Variants in KLHL3 observed in about 807,000 individuals in gnomAD.
KLHL3 encodes kelch like family member 3.
Under a neutral mutation model 70.5 loss-of-function variants are expected in KLHL3, and 19 were observed. That is an observed-to-expected ratio of 0.27 (90% CI 0.19 to 0.40). The LOEUF is 0.40. KLHL3 is among the 10% of genes least tolerant of loss of function. KLHL3 has a pLI of 1.00. For missense variants in KLHL3, 512 were observed against 771.1 expected, an observed-to-expected ratio of 0.66 and a Z score of 3.98; for synonymous variants, 258 against 290.3, an observed-to-expected ratio of 0.89 and a Z score of 1.13.
chr5:137,670,944 G>A (rs796862031), intron 6 of KLHL3, among the ~76,000 whole-genome samples: 5 of 126,252 alleles, frequency 4.0e-5, no homozygotes, highest in African/African-American at 1.6e-4. Flanking sequence ...CTGCACTCCA[G>A]CCTGGGCAAA....
intron 11 of KLHL3, among the ~76,000 whole-genome samples, 163 bp from the exon 12 acceptor site, chr5:137,634,328 C>G (rs1750715650): frequency 6.6e-6 from 1 of 152,236 alleles, no homozygotes; most frequent in Admixed American, 6.5e-5. Flanking sequence ...AGCAAAGCAT[C>G]CTTCACATTT....
intron 5 of KLHL3, among the ~76,000 whole-genome samples, chr5:137,689,581 C>T (rs1274447978): frequency 7.9e-5 from 12 of 152,186 alleles, no homozygotes; most frequent in African/African-American, 2.2e-4. Context: ...AAACAGAACA[C>T]CAAATATCAC....
chr5:137,647,437 C>CATT, intron 8 of KLHL3: 1 of 361,008 alleles, frequency 2.8e-6, no homozygotes, highest in Non-Finnish European at 5.8e-6. Context: ...GCCCTGGCCT[C>CATT]AGGACTACAT....
chr5:137,645,064 A>G (rs550931517), intron 8 of KLHL3, among the ~76,000 whole-genome samples: 5 of 152,354 alleles, frequency 3.3e-5, no homozygotes, highest in African/African-American at 1.2e-4. Context: ...GACAAAAACC[A>G]CATAATCATT....
rs1750276271 is a variant in KLHL3 at position 137,620,844 on chromosome 5, G to C, written c.*1254C>G. 2.0e-5 allele frequency: 3 copies of C among 152,204 alleles called. No homozygotes were observed. The highest frequency in any genetic ancestry group is 6.5e-5 in the Admixed American group (1 of 15,286). 9.4% of individuals were successfully genotyped at this position (152,204 alleles called of 1,614,324 possible). A position where few individuals can be genotyped will look rare whatever the true frequency, so the allele number is the denominator to read the frequency against. On this transcript the variant is annotated 3_prime_UTR_variant, in exon 15 of 15. Coordinates refer to ENST00000309755, the MANE Select transcript of KLHL3 (RefSeq NM_017415.3). ...GCAGTAGTGGGGTTCTTGGGGGTTG[G>C]GGAGAGGGTGCACACCCTGGAATAG...
intron 11 of KLHL3, 43 bp from the exon 12 acceptor site, chr5:137,634,208 G>C (rs1342775972): frequency 6.4e-7 from 1 of 1,558,720 alleles, no homozygotes; most frequent in Non-Finnish European, 8.7e-7. Flanking sequence ...AGGGATACTG[G>C]CATGAAACCA....
intron 3 of KLHL3, among the ~76,000 whole-genome samples, chr5:137,704,168 G>A (rs1228358627): frequency 4.6e-5 from 7 of 152,212 alleles, no homozygotes; most frequent in Admixed American, 4.6e-4. Context: ...GGTGGATCAT[G>A]AGGTCAGGAG....
intron 13 of KLHL3, among the ~76,000 whole-genome samples, chr5:137,627,281 T>G (rs913516087): frequency 2.6e-5 from 4 of 152,172 alleles, no homozygotes; most frequent in African/African-American, 9.7e-5. Context: ...ATAGTGTAAT[T>G]CCATTTTTGT....
At chr5:137,706,923 A>T (rs1752696591) in intron 3 of KLHL3, among the ~76,000 whole-genome samples, 1 of 152,190 alleles carries the variant, frequency 6.6e-6, no homozygotes, top group South Asian at 2.1e-4. Flanking sequence ...TTGAGGAAGT[A>T]ATAAGATGAG....
intron 6 of KLHL3, among the ~76,000 whole-genome samples, chr5:137,671,452 G>A (rs973010098): frequency 3.9e-5 from 6 of 152,122 alleles, no homozygotes; most frequent in Non-Finnish European, 5.9e-5. Context: ...ATGAGCCCCT[G>A]AATAGAAATG....
In KLHL3 at chr5:137,731,297, A is replaced by G. The variant is rs190436100; in HGVS notation, c.14+4336T>C. Among the ~76,000 whole-genome samples the G allele has an allele frequency of 7.5e-4, 115 of 152,354 alleles. 1 individual carries two copies. The East Asian group carries it at 0.018, about 24-fold the overall frequency. On this transcript the variant is annotated intron_variant, in intron 1 of 14. Transcript: ENST00000309755. ...CAATTATCATGGTTGAAATGCGTGC[A>G]CATCTGCTTCAGGCAGCAGTGATGC...
At chr5:137,673,352 GC>G (rs1238129297) in intron 6 of KLHL3, among the ~76,000 whole-genome samples, 1 of 152,110 alleles carries the variant, frequency 6.6e-6, no homozygotes, top group African/African-American at 2.4e-5. Flanking sequence ...CTTGTTCGCT[GC>G]CTCCGGGCCT....
chr5:137,634,697 T>A (rs1429533731), intron 11 of KLHL3, among the ~76,000 whole-genome samples: 1 of 152,108 alleles, frequency 6.6e-6, no homozygotes, highest in Admixed American at 6.6e-5. Context: ...GTGAATGGAG[T>A]GTTCTTTGTA....
chr5:137,660,234 G>T (rs536627484), intron 7 of KLHL3, among the ~76,000 whole-genome samples: 32 of 152,290 alleles, frequency 2.1e-4, no homozygotes, highest in African/African-American at 7.7e-4. Flanking sequence ...TAATAACCCA[G>T]GAGCCATTTC....
rs774856270 is a variant in KLHL3 at position 137,628,315 on chromosome 5, T to C, written c.1573A>G (p.Met525Val). ...NTWKQVADMN[M>V]CRRNAGVCAV... Reference sequence around the variant, plus strand: ...TCATTACCTGCGTTGCGCCGGCACATGTTCATGTCTGCCACTTGCTTCCAG... The same window carrying C: ...TCATTACCTGCGTTGCGCCGGCACACGTTCATGTCTGCCACTTGCTTCCAG... The change falls in exon 13 of 15, where the codon ATG becomes GTG. Residue 525 changes from methionine (M) to valine (V), a missense_variant. Transcript: ENST00000309755. 1.9e-6 allele frequency: 3 copies of C among 1,614,086 alleles called. No individual in the cohort carries two copies. The highest frequency in any genetic ancestry group is 2.5e-6 in the Non-Finnish European group (3 of 1,180,034).
At chr5:137,635,749 A>G (rs1350147024) in intron 11 of KLHL3, among the ~76,000 whole-genome samples, 4 of 152,200 alleles carry the variant, frequency 2.6e-5, no homozygotes, top group Non-Finnish European at 5.9e-5. Flanking sequence ...CAGATTCAGG[A>G]AGGGCAGAAG....
intron 8 of KLHL3, among the ~76,000 whole-genome samples, chr5:137,642,463 C>G (rs1323517831): frequency 6.6e-6 from 1 of 152,220 alleles, no homozygotes; most frequent in Non-Finnish European, 1.5e-5. Flanking sequence ...TTGTGCTGGA[C>G]CATCAGTGTC....
chr5:137,637,249 C>T (rs532650849), intron 11 of KLHL3, 45 bp downstream of exon 11: 8 of 1,523,856 alleles, frequency 5.2e-6, no homozygotes, highest in Admixed American at 3.3e-5. Context: ...GGACAAGGCC[C>T]GTGGGCCAGG....
At chr5:137,697,107 C>A (rs12653760) in intron 4 of KLHL3, among the ~76,000 whole-genome samples, 53,504 of 151,858 alleles carry the variant, frequency 0.35, 10,751 homozygotes, top group East Asian at 0.93. Context: ...TCAGCAGATA[C>A]ATAACAGCAT....
Sources: allele counts gnomAD v4.1 joint callset (sites outside exome capture counted in the v4.1 genomes callset), GRCh38; gene constraint gnomAD v4.1.1; transcripts MANE v1.5; gene names NCBI Gene and HGNC (gene_info 2026-07-23, HGNC 2026-07-21).